Variants in EYS observed in about 807,000 individuals in gnomAD.
EYS encodes the protein protein eyes shut homolog.
EYS carries 250 observed loss-of-function variants against 282.1 expected under a neutral mutation model. That is an observed-to-expected ratio of 0.89 (90% confidence interval 0.80 to 0.98). The LOEUF (loss-of-function observed/expected upper bound fraction) is 0.98, where lower values mean the gene tolerates loss of function less well. Among genes scored for constraint, EYS ranks in the 50% least tolerant of loss-of-function variants. The pLI, the probability that EYS is intolerant of heterozygous loss-of-function variation, is 0.00. For synonymous variants in EYS, 1,355 were observed against 1,282.9 expected (o/e 1.06, Z -1.20); for missense variants, 4,016 against 3,709.0 (o/e 1.08, Z -2.15).
chr6:64,342,573 C>T (rs1185306550), intron 29 of EYS, among the ~76,000 whole-genome samples: 1 of 151,902 alleles, frequency 6.6e-6, no homozygotes, highest in Admixed American at 6.6e-5. Context: ...AAGCACTAAA[C>T]ATGGAAAGGA....
At chr6:63,739,991 C>G (rs1375935179) in intron 41 of EYS, among the ~76,000 whole-genome samples, 2 of 151,984 alleles carry the variant, frequency 1.3e-5, no homozygotes, top group Non-Finnish European at 2.9e-5. Context: ...AGCCACCATG[C>G]CCGGCAGAAA....
chr6:65,165,909 G>A (rs1243157346), intron 12 of EYS, among the ~76,000 whole-genome samples: 1 of 150,768 alleles, frequency 6.6e-6, no homozygotes, highest in Admixed American at 6.6e-5. Flanking sequence ...ATCAATACAT[G>A]AAAATCAATA....
chr6:64,025,299 T>A (rs1165431720), intron 33 of EYS, among the ~76,000 whole-genome samples: 1 of 152,046 alleles, frequency 6.6e-6, no homozygotes, highest in Non-Finnish European at 1.5e-5. Flanking sequence ...GAGCTGAGGA[T>A]CGACAGAGAG....
At position 65,020,520 on chromosome 6, in the gene EYS, G is replaced by A. The variant is rs367585180; in HGVS notation, c.2138-22817C>T. Among the ~76,000 whole-genome samples, 804 of 152,244 alleles carry A rather than the reference G, an allele frequency of 5.3e-3. 12 individuals are homozygous for A. The South Asian group carries it at 0.058, about 11-fold the overall frequency. ...CTGTCCCTGTGGTTTTGCAGGGTAC[G>A]GCTCTCGATCCTAGCTGCTTTCACA... On this transcript the variant is annotated intron_variant, in intron 13 of 42. Transcript: ENST00000503581.
intron 12 of EYS, among the ~76,000 whole-genome samples, chr6:65,160,749 A>G (rs925970530): frequency 2.6e-5 from 4 of 150,960 alleles, no homozygotes; most frequent in East Asian, 2.0e-4. Flanking sequence ...CTAGCCAAGA[A>G]TTCTCTGATA....
chr6:63,826,119 T>G (rs1771453302), intron 36 of EYS, among the ~76,000 whole-genome samples: 1 of 152,058 alleles, frequency 6.6e-6, no homozygotes, highest in East Asian at 1.9e-4. Context: ...GTCTTAACAA[T>G]AGAATTGAAC....
chr6:64,364,031 A>G lies in EYS; in HGVS notation c.6078+24659T>C, dbSNP rs149969570. Among the ~76,000 whole-genome samples the G allele has an allele frequency of 8.2e-3, 1,251 of 151,926 alleles. 12 individuals are homozygous for G. The highest frequency in any genetic ancestry group is 0.029 in the African/African-American group (1,188 of 41,460). ...TCTTCAGCCTTTTATGACACACATCATGCAGCCCTTATCTATCATCTTCAA... is the reference window on the plus strand; with the variant it reads ...TCTTCAGCCTTTTATGACACACATCGTGCAGCCCTTATCTATCATCTTCAA... On this transcript the variant is annotated intron_variant, in intron 29 of 42. Coordinates refer to ENST00000503581, the MANE Select transcript of EYS (RefSeq NM_001142800.2).
intron 12 of EYS, among the ~76,000 whole-genome samples, chr6:65,201,053 A>C (rs1159118607): frequency 6.6e-6 from 1 of 152,148 alleles, no homozygotes; most frequent in African/African-American, 2.4e-5. Flanking sequence ...ATTATGGATG[A>C]TACATAAAAA....
intron 13 of EYS, among the ~76,000 whole-genome samples, chr6:65,004,160 T>C (rs1771560030): frequency 1.4e-5 from 2 of 147,610 alleles, no homozygotes; most frequent in South Asian, 2.2e-4. Flanking sequence ...TGCCTAAGGG[T>C]GAATATTTTT....
chr6:64,710,920 A>G (rs1020639566), intron 22 of EYS, among the ~76,000 whole-genome samples: 10 of 152,332 alleles, frequency 6.6e-5, no homozygotes, highest in Admixed American at 6.5e-4. Flanking sequence ...TTATGAAATG[A>G]TATATGATAT....
At chr6:65,243,315 A>T (rs1767100126) in intron 12 of EYS, among the ~76,000 whole-genome samples, 1 of 152,212 alleles carries the variant, frequency 6.6e-6, no homozygotes, top group Admixed American at 6.5e-5. Context: ...CATATACAAG[A>T]TATGGCTACA....
intron 35 of EYS, among the ~76,000 whole-genome samples, chr6:63,921,105 C>A (rs1012699575): frequency 1.3e-5 from 2 of 152,136 alleles, no homozygotes; most frequent in Admixed American, 6.5e-5. Flanking sequence ...ACCGTGTTAA[C>A]CAGGATGGTC....
intron 12 of EYS, among the ~76,000 whole-genome samples, chr6:65,212,865 CTA>C (rs1282614804): frequency 6.6e-6 from 1 of 151,648 alleles, no homozygotes; most frequent in Non-Finnish European, 1.5e-5. Flanking sequence ...ATTTATCACA[CTA>C]GACAACATTC....
chr6:65,370,865 A>C (rs1387223380), intron 8 of EYS, among the ~76,000 whole-genome samples: 21 of 151,916 alleles, frequency 1.4e-4, no homozygotes, highest in Non-Finnish European at 2.9e-5. Context: ...GAAGAAAGTT[A>C]GTACCATATA....
chr6:64,389,737 T>C (rs544460777), intron 28 of EYS, among the ~76,000 whole-genome samples: 1 of 152,294 alleles, frequency 6.6e-6, no homozygotes, highest in East Asian at 1.9e-4. Context: ...CATAATCCTT[T>C]TCAAAATAAT....
intron 1 of EYS, among the ~76,000 whole-genome samples, chr6:65,663,400 G>A (rs1768074206): frequency 6.6e-6 from 1 of 152,088 alleles, no homozygotes; most frequent in South Asian, 2.1e-4. Context: ...AGTGTCATCA[G>A]GCTATAGTCC....
In EYS at chr6:63,884,973, T is replaced by C. The variant is rs187524248; in HGVS notation, c.7056-20615A>G. Among the ~76,000 whole-genome samples, 245 of 152,302 alleles carry C rather than the reference T, an allele frequency of 1.6e-3. 1 individual carries two copies. Among genetic ancestry groups the C allele is most frequent in the African/African-American group, 5.6e-3 (232 of 41,576 alleles). On this transcript the variant is annotated intron_variant, in intron 35 of 42. Transcript: ENST00000503581. ...GTGAAGAAATTTTATAATGGGTAGG[T>C]GGAGTGTTTCCATTTTTATTAAATT...
At chr6:65,419,077 A>G (rs1767354696) in intron 5 of EYS, among the ~76,000 whole-genome samples, 1 of 151,086 alleles carries the variant, frequency 6.6e-6, no homozygotes, top group Non-Finnish European at 1.5e-5. Flanking sequence ...GTATATGAAG[A>G]GTTAATATTC....
intron 10 of EYS, among the ~76,000 whole-genome samples, chr6:65,340,692 A>G (rs1181354761): frequency 6.6e-6 from 1 of 151,130 alleles, no homozygotes; most frequent in Non-Finnish European, 1.5e-5. Flanking sequence ...CAAATAAATA[A>G]CTTTCCACAA....
Sources: allele counts gnomAD v4.1 joint callset (sites outside exome capture counted in the v4.1 genomes callset), GRCh38; gene constraint gnomAD v4.1.1; transcripts MANE v1.5; gene names NCBI Gene and HGNC (gene_info 2026-07-23, HGNC 2026-07-21).